The following POLM variants were observed in gnomAD, a reference collection of about 807,000 sequenced individuals.
The protein encoded by POLM is DNA polymerase mu, also known as DNA-directed DNA/RNA polymerase mu.
POLM carries 52 observed loss-of-function variants against 56.7 expected under a neutral mutation model. The ratio of observed to expected loss-of-function variants is 0.92; its 90% CI spans 0.73 to 1.15. POLM has a LOEUF of 1.15. Among genes scored for constraint, POLM ranks in the 50% most tolerant of loss-of-function variants. The probability of loss-of-function intolerance (pLI) is 0.00; values close to 1 mark genes in which losing one functional copy is unlikely to be tolerated. For missense variants in POLM, 660 were observed against 663.6 expected (o/e 0.99, Z 0.06); for synonymous variants, 273 against 274.3 (o/e 1.00, Z 0.05).
rs559723534 is a variant in POLM at position 44,082,445 on chromosome 7, G to T, written c.-7C>A. 12 of 1,265,186 alleles carry T rather than the reference G, an allele frequency of 9.5e-6. No individual in the cohort carries two copies. The highest frequency in any genetic ancestry group is 1.2e-5 in the Non-Finnish European group (12 of 995,404). The allele number at this position is 1,265,186 out of a possible 1,614,324, so 78.4% of individuals were successfully genotyped here. On this transcript the variant is annotated 5_prime_UTR_variant, in exon 1 of 11. Transcript: ENST00000242248. Reference sequence around the variant, plus strand: ...GCCGCCGTTTGGGGAGCATTGGGACGACAGCCTCCAGCAGCGCGGAGCGAA... The same window carrying T: ...GCCGCCGTTTGGGGAGCATTGGGACTACAGCCTCCAGCAGCGCGGAGCGAA...
intron 1 of POLM, 37 bp from the exon 2 acceptor site, chr7:44,080,953 G>A: frequency 1.3e-6 from 2 of 1,521,394 alleles, no homozygotes; most frequent in Non-Finnish European, 1.8e-6. Context: ...AGGAGGGTGA[G>A]GCCCAGAGCC....
Position 44,078,821 on chromosome 7 carries a change from G to T in POLM, c.643-10C>A. The T allele has an allele frequency of 6.2e-7, 1 of 1,611,782 alleles. No homozygotes were observed. Among genetic ancestry groups the T allele is most frequent in the Non-Finnish European group, 8.5e-7 (1 of 1,178,324 alleles). ...CATGCTCCAGCAGCTCCTGGGGGAG[G>T]GAACAAAGCAGAACTCTAAGCCTGA... On this transcript the variant is annotated splice_polypyrimidine_tract_variant and intron_variant, in intron 4 of 10. Coordinates refer to ENST00000242248, the MANE Select transcript of POLM (RefSeq NM_013284.4).
chr7:44,082,162 G>A (rs1347391837), intron 1 of POLM, 89 bp downstream of exon 1: 11 of 1,136,180 alleles, frequency 9.7e-6, no homozygotes, highest in African/African-American at 1.7e-5. Context: ...CTCAGGGAAA[G>A]GTCACAAGAC....
At chr7:44,081,699 A>C (rs899878090) in intron 1 of POLM, among the ~76,000 whole-genome samples, 2 of 151,112 alleles carry the variant, frequency 1.3e-5, no homozygotes, top group African/African-American at 4.9e-5. Flanking sequence ...AGTCTCGCTC[A>C]CAGGTGGGAC....
intron 2 of POLM, chr7:44,080,356 A>G (rs1000219874): frequency 3.7e-6 from 2 of 544,936 alleles, no homozygotes; most frequent in Admixed American, 2.2e-5. Flanking sequence ...CCTGGCCCCA[A>G]GCCCACACCT....
At chr7:44,079,813 C>A in intron 3 of POLM, 48 bp downstream of exon 3, 1 of 1,612,044 alleles carries the variant, frequency 6.2e-7, no homozygotes. Context: ...CATCTGTACC[C>A]TTGTCCCCAA....
intron 1 of POLM, 88 bp from the exon 2 acceptor site, chr7:44,081,004 C>A: frequency 8.7e-7 from 1 of 1,148,764 alleles, no homozygotes. Context: ...GCCGTCCCTT[C>A]TGCATGGTAA....
rs761993468 is a variant in POLM at position 44,078,809 on chromosome 7, C to T, written c.645G>A (p.Glu215=). ...CCTCACACACTCCATGCTCCAGCAG[C>T]TCCTGGGGGAGGGAACAAAGCAGAA... ...FGEHSSRVVQ[E]LLEHGVCEEV... is the part of the protein sequence containing the mutation. The change falls in exon 5 of 11, where the codon GAG becomes GAA. Residue 215 remains glutamate (E), a splice_region_variant and synonymous_variant. Transcript: ENST00000242248. 2.6e-5 allele frequency: 42 copies of T among 1,613,114 alleles called. No homozygotes were observed. Among genetic ancestry groups the T allele is most frequent in the Non-Finnish European group, 3.3e-5 (39 of 1,179,434 alleles).
rs532452411 is a variant in POLM at position 44,074,501 on chromosome 7, G to A, written c.865C>T (p.Pro289Ser). Residue 289 changes from proline (P) to serine (S), a missense_variant, in exon 7 of 11, where the codon CCA (proline) becomes TCA (serine). Physicochemically the swap from Pro to Ser is moderately conservative, Grantham distance 74. Coordinates refer to ENST00000242248, the MANE Select transcript of POLM (RefSeq NM_013284.4). The stretch of plus-strand genomic sequence containing the variant: ...GCATCTACATCGGACCGCAGGACTG[G>A]GGTGCTCAGGTCCTGGTGGTGCTGG... ...GLQHHQDLST[P>S]VLRSDVDALQ... 1.9e-6 allele frequency: 3 copies of A among 1,596,050 alleles called. No individual in the cohort carries two copies. Among genetic ancestry groups the A allele is most frequent in the African/African-American group, 2.7e-5 (2 of 74,860 alleles).
chr7:44,074,643 G>T, intron 6 of POLM, 113 bp from the exon 7 acceptor site: 1 of 1,247,976 alleles, frequency 8.0e-7, no homozygotes, highest in Non-Finnish European at 1.1e-6. Context: ...AGGACCAGGA[G>T]AGGCCTCCGA....
At chr7:44,081,616 A>G (rs17132321) in intron 1 of POLM, among the ~76,000 whole-genome samples, 37,929 of 151,852 alleles carry the variant, frequency 0.25, 4,881 homozygotes, top group Admixed American at 0.27. Flanking sequence ...TTCCTACAAG[A>G]GCTTCTCAGT....
chr7:44,074,274 G>A, intron 7 of POLM, 41 bp from the exon 8 acceptor site: 1 of 1,546,778 alleles, frequency 6.5e-7, no homozygotes, highest in South Asian at 1.2e-5. Context: ...GACACGGCCT[G>A]CTCACTCCAG....
chr7:44,081,992 G>T (rs2096201420), intron 1 of POLM, among the ~76,000 whole-genome samples: 1 of 152,054 alleles, frequency 6.6e-6, no homozygotes, highest in Non-Finnish European at 1.5e-5. Flanking sequence ...TGATCTGCCC[G>T]CCTCGGCCTC....
chr7:44,075,453 G>A (rs1040267030), intron 6 of POLM, among the ~76,000 whole-genome samples: 13 of 152,088 alleles, frequency 8.5e-5, no homozygotes, highest in South Asian at 2.1e-4. Context: ...GGGGAGAGGC[G>A]ATCAAGAGGA....
In POLM at chr7:44,073,612, C is replaced by T. The variant is rs779981178; in HGVS notation, c.1398+13G>A. ...TGGGTGCTGTTTGCTGTCCCCAGTC[C>T]CCAACAATGTACCTGCTCCGGGTCA... is the stretch of plus-strand genomic sequence containing the variant. On this transcript the variant is annotated intron_variant, in intron 10 of 10. Coordinates refer to ENST00000242248, the MANE Select transcript of POLM (RefSeq NM_013284.4). 1 of 1,613,548 alleles carries T rather than the reference C, an allele frequency of 6.2e-7. No homozygotes were observed. The highest frequency in any genetic ancestry group is 2.2e-5 in the East Asian group (1 of 44,878).
At position 44,076,697 on chromosome 7, in the gene POLM, C is replaced by G; in HGVS notation, c.715-68G>C. The stretch of plus-strand genomic sequence containing the variant: ...GCTAGACTCGGATGATCACCCGCTC[C>G]GGGACGGTGTGGCCCATGGAGCACC... On this transcript the variant is annotated intron_variant, in intron 5 of 10. Coordinates refer to ENST00000242248, the MANE Select transcript of POLM (RefSeq NM_013284.4). 2 of 1,591,600 alleles carry G rather than the reference C, an allele frequency of 1.3e-6. 1 individual carries two copies. Among genetic ancestry groups the G allele is most frequent in the South Asian group, 2.2e-5 (2 of 89,854 alleles).
chr7:44,074,919 TG>T (rs1404559689), intron 6 of POLM, among the ~76,000 whole-genome samples: 3 of 152,226 alleles, frequency 2.0e-5, no homozygotes, highest in African/African-American at 4.8e-5. Context: ...TTTTGATGGC[TG>T]TTTTTCCTTA....
In POLM at chr7:44,074,418, C is replaced by G; in HGVS notation, c.948G>C (p.Thr316=). 2 of 1,560,204 alleles carry G rather than the reference C, an allele frequency of 1.3e-6. No homozygotes were observed. Among genetic ancestry groups the G allele is most frequent in the Non-Finnish European group, 1.7e-6 (2 of 1,152,044 alleles). Residue 316 remains threonine, a synonymous_variant, in exon 7 of 11, where the codon ACG becomes ACC. Transcript: ENST00000242248. ...VGQALPGATV[T]LTGGFRRGKL... ...CTTACCTGCGGAAGCCGCCGGTCAGCGTGACGGTGGCCCCAGGCAGGGCCT... is the reference window on the plus strand; with the variant it reads ...CTTACCTGCGGAAGCCGCCGGTCAGGGTGACGGTGGCCCCAGGCAGGGCCT...
Position 44,072,949 on chromosome 7 carries a change from C to T in POLM, c.*342G>A, listed in dbSNP as rs2096172343. 5.0e-6 allele frequency: 3 copies of T among 602,082 alleles called. No individual in the cohort carries two copies. Among genetic ancestry groups the T allele is most frequent in the Non-Finnish European group, 8.3e-6 (3 of 362,644 alleles). 37.3% of individuals were successfully genotyped at this position (602,082 alleles called of 1,614,324 possible). A position where few individuals can be genotyped will look rare whatever the true frequency, so the allele number is the denominator to read the frequency against. ...CTAATGAGACACTGCACATCAGGGA[C>T]CACTTGCCATTCATGACTGCAGGCC... On this transcript the variant is annotated 3_prime_UTR_variant, in exon 11 of 11. Transcript: ENST00000242248.
Sources: allele counts gnomAD v4.1 joint callset (sites outside exome capture counted in the v4.1 genomes callset), GRCh38; gene constraint gnomAD v4.1.1; transcripts MANE v1.5; gene names NCBI Gene and HGNC (gene_info 2026-07-23, HGNC 2026-07-21).